Variants in PCDHGB6 observed in about 807,000 individuals in gnomAD.
The protein encoded by PCDHGB6 is protocadherin gamma-B6.
Under a neutral mutation model 59.1 loss-of-function variants are expected in PCDHGB6, and 51 were observed. The observed-to-expected ratio is 0.86, with a 90% CI of 0.69 to 1.09. The LOEUF (loss-of-function observed/expected upper bound fraction) is 1.09, where lower values mean the gene tolerates loss of function less well. Ranked by LOEUF, PCDHGB6 falls within the 50% of genes least tolerant of loss-of-function variation. The pLI is 0.00. For missense variants in PCDHGB6, 1,148 were observed against 1,205.1 expected (o/e 0.95, Z 0.70); for synonymous variants, 466 against 495.1 (o/e 0.94, Z 0.78).
Position 141,491,886 on chromosome 5 carries a change from G to A in PCDHGB6, c.2419-2921G>A. On this transcript the variant is annotated intron_variant, in intron 1 of 3. Coordinates refer to ENST00000520790, the MANE Select transcript of PCDHGB6 (RefSeq NM_018926.3). The surrounding 1 kb of genome is among the most constrained non-coding windows in gnomAD (Gnocchi z 6.9). ...CCAGAGTGGCCGATTAAGGGATGGG[G>A]CTCCGAGCACCGGGGGTGGTGGCGA... 6.9e-7 allele frequency: 1 copy of A among 1,445,558 alleles called. No individual in the cohort carries two copies. Among genetic ancestry groups the A allele is most frequent in the Non-Finnish European group, 9.1e-7 (1 of 1,093,458 alleles). 89.5% of individuals were successfully genotyped at this position (1,445,558 alleles called of 1,614,324 possible). A position where few individuals can be genotyped will look rare whatever the true frequency, so the allele number is the denominator to read the frequency against.
chr5:141,475,980 C>G (rs758066578), intron 1 of PCDHGB6: 3 of 1,028,500 alleles, frequency 2.9e-6, no homozygotes, highest in Admixed American at 2.4e-5. Context: ...ACTGAACAGC[C>G]GGCGAGCAAA....
intron 1 of PCDHGB6, among the ~76,000 whole-genome samples, chr5:141,483,709 G>A (rs1486825412): frequency 1.3e-5 from 2 of 152,036 alleles, no homozygotes; most frequent in Non-Finnish European, 2.9e-5. Flanking sequence ...TTTGACACCA[G>A]AATATTGGTT....
Position 141,490,618 on chromosome 5 carries a change from A to C in PCDHGB6, c.2419-4189A>C. The C allele has an allele frequency of 6.2e-7, 1 of 1,614,104 alleles. No homozygotes were observed. Among genetic ancestry groups the C allele is most frequent in the South Asian group, 1.1e-5 (1 of 91,080 alleles). ...ACCCCGCTTCAACCAGCAGCTTTAC[A>C]CTGCTTACATCCTAGAAAACCGGCC... On this transcript the variant is annotated intron_variant, in intron 1 of 3. Coordinates refer to ENST00000520790, the MANE Select transcript of PCDHGB6 (RefSeq NM_018926.3). This position sits in a 1 kb window ranked among gnomAD's most constrained non-coding sequence, Gnocchi z 5.4.
rs772807357 is a variant in PCDHGB6, at chr5:141,431,758, C to G, written c.2418+21138C>G. On this transcript the variant is annotated intron_variant, in intron 1 of 3. Transcript: ENST00000520790. This position sits in a 1 kb window ranked among gnomAD's most constrained non-coding sequence, Gnocchi z 4.8. ...CAGGATATTCTGCGCGAGCCAAAGTCCTGATCACTGTTCTGGACGTGAACG... is the reference window on the plus strand; with the variant it reads ...CAGGATATTCTGCGCGAGCCAAAGTGCTGATCACTGTTCTGGACGTGAACG... 2.0e-5 allele frequency: 32 copies of G among 1,614,054 alleles called. No individual in the cohort carries two copies. The highest frequency in any genetic ancestry group is 2.6e-5 in the Non-Finnish European group (31 of 1,180,028).
chr5:141,482,530 CA>C (rs3074545), intron 1 of PCDHGB6, among the ~76,000 whole-genome samples: 1,133 of 76,538 alleles, frequency 0.015, 6 homozygotes, highest in Admixed American at 0.025. Flanking sequence ...GACAGACATG[CA>C]AAAAAAAAAA....
At chr5:141,478,755 A>G in intron 1 of PCDHGB6, 1 of 1,519,784 alleles carries the variant, frequency 6.6e-7, no homozygotes, top group South Asian at 1.3e-5. Flanking sequence ...TTCAGGGGGA[A>G]GATACTTGAC....
Position 141,410,469 on chromosome 5 carries a change from T to C in PCDHGB6, c.2267T>C (p.Ile756Thr). Residue 756 changes from isoleucine (I) to threonine (T), a missense_variant, in exon 1 of 4, where the codon ATT becomes ACT. Physicochemically the swap from Ile to Thr is moderately conservative, Grantham distance 89. Coordinates refer to ENST00000520790, the MANE Select transcript of PCDHGB6 (RefSeq NM_018926.3). The stretch of plus-strand genomic sequence containing the variant: ...TTGCCTTATTCTTATAATCTGTGCA[T>C]TGCACATACGGGTACAAAAGAGTTT... ...GTLPYSYNLC[I>T]AHTGTKEFNF... is the part of the protein sequence containing the mutation. The C allele has an allele frequency of 6.2e-7, 1 of 1,614,026 alleles. No individual in the cohort carries two copies. The highest frequency in any genetic ancestry group is 8.5e-7 in the Non-Finnish European group (1 of 1,179,890).
Position 141,476,870 on chromosome 5 carries a change from C to T in PCDHGB6, c.2419-17937C>T, listed in dbSNP as rs2099400432. 3 of 1,613,772 alleles carry T rather than the reference C, an allele frequency of 1.9e-6. No individual in the cohort carries two copies. Among genetic ancestry groups the T allele is most frequent in the South Asian group, 1.1e-5 (1 of 91,094 alleles). On this transcript the variant is annotated intron_variant, in intron 1 of 3. Coordinates refer to ENST00000520790, the MANE Select transcript of PCDHGB6 (RefSeq NM_018926.3). The surrounding 1 kb of genome is among the most constrained non-coding windows in gnomAD (Gnocchi z 7.6). ...CTTCAACCAGTCCTTGTACCGGGCGCGCGTCCTGGAGGATGCACCCTCCGG... is the reference window on the plus strand; with the variant it reads ...CTTCAACCAGTCCTTGTACCGGGCGTGCGTCCTGGAGGATGCACCCTCCGG...
intron 1 of PCDHGB6, among the ~76,000 whole-genome samples, chr5:141,451,329 A>G (rs991467686): frequency 2.6e-5 from 4 of 152,196 alleles, no homozygotes; most frequent in African/African-American, 9.6e-5. Context: ...ACCTAAGGCT[A>G]TTGTCTTATC....
At chr5:141,433,207 TC>T (rs780557883) in intron 1 of PCDHGB6, 10 of 1,568,868 alleles carry the variant, frequency 6.4e-6, no homozygotes, top group African/African-American at 1.4e-5. Flanking sequence ...AAATCTTCTT[TC>T]TTTTTTTTTT....
chr5:141,463,208 C>G (rs895284460), intron 1 of PCDHGB6, among the ~76,000 whole-genome samples: 1 of 152,090 alleles, frequency 6.6e-6, no homozygotes, highest in African/African-American at 2.4e-5. Flanking sequence ...CTTGGGGATC[C>G]ATATTAATAT....
intron 1 of PCDHGB6, chr5:141,421,750 C>G: frequency 6.2e-7 from 1 of 1,613,906 alleles, no homozygotes; most frequent in East Asian, 2.2e-5. Flanking sequence ...CCAGCTCAGC[C>G]CTAATAATTA....
At chr5:141,464,408 T>C (rs2154568477) in intron 1 of PCDHGB6, among the ~76,000 whole-genome samples, 1 of 151,718 alleles carries the variant, frequency 6.6e-6, no homozygotes, top group African/African-American at 2.4e-5. Flanking sequence ...CTGAGATATA[T>C]ATATATCTAT....
intron 1 of PCDHGB6, chr5:141,413,618 A>G (rs1188549125): frequency 6.2e-7 from 1 of 1,613,916 alleles, no homozygotes; most frequent in Non-Finnish European, 8.5e-7. Context: ...AAAATTAATG[A>G]AAATGTCGCT....
chr5:141,459,311 T>A (rs1298312167), intron 1 of PCDHGB6, among the ~76,000 whole-genome samples: 1 of 152,250 alleles, frequency 6.6e-6, no homozygotes, highest in Non-Finnish European at 1.5e-5. Flanking sequence ...TATACTATTT[T>A]GTATCCATCT....
At chr5:141,508,896 C>A (rs1171693212) in intron 3 of PCDHGB6, among the ~76,000 whole-genome samples, 1 of 151,862 alleles carries the variant, frequency 6.6e-6, no homozygotes, top group Non-Finnish European at 1.5e-5. Context: ...GGGGAGGGGG[C>A]GGGGCGGTGG....
Position 141,486,989 on chromosome 5 carries a change from G to A in PCDHGB6, c.2419-7818G>A. 1.9e-6 allele frequency: 3 copies of A among 1,614,168 alleles called. No individual in the cohort carries two copies. Among genetic ancestry groups the A allele is most frequent in the Non-Finnish European group, 2.5e-6 (3 of 1,180,034 alleles). On this transcript the variant is annotated intron_variant, in intron 1 of 3. Transcript: ENST00000520790. This position sits in a 1 kb window ranked among gnomAD's most constrained non-coding sequence, Gnocchi z 5.0. ...CTTGGATTCAGGTTACAATGCTTGG[G>A]TTTCCTATCAGCTCCTGGAGGCCCC...
chr5:141,485,737 C>T lies in PCDHGB6; in HGVS notation c.2419-9070C>T. On this transcript the variant is annotated intron_variant, in intron 1 of 3. Coordinates refer to ENST00000520790, the MANE Select transcript of PCDHGB6 (RefSeq NM_018926.3). The surrounding 1 kb of genome is among the most constrained non-coding windows in gnomAD (Gnocchi z 5.7). ...TGGATGTGAAGAAGCGCAGCGACGGCAGCCTGGTCCCAGAGCTGCTCCTGG... is the reference window on the plus strand; with the variant it reads ...TGGATGTGAAGAAGCGCAGCGACGGTAGCCTGGTCCCAGAGCTGCTCCTGG... 6.2e-7 allele frequency: 1 copy of T among 1,614,222 alleles called. No individual in the cohort carries two copies. Among genetic ancestry groups the T allele is most frequent in the Non-Finnish European group, 8.5e-7 (1 of 1,180,036 alleles).
Position 141,413,313 on chromosome 5 carries a change from C to T in PCDHGB6, c.2418+2693C>T, listed in dbSNP as rs1346034749. The T allele has an allele frequency of 1.9e-6, 3 of 1,613,842 alleles. No homozygotes were observed. The African/African-American group carries it at 4.0e-5, about 22-fold the overall frequency. On this transcript the variant is annotated intron_variant, in intron 1 of 3. Transcript: ENST00000520790. The stretch of plus-strand genomic sequence containing the variant: ...CAATTCCTGAGGAATTAGAGAAAGG[C>T]TCTTTCGTGGGCAACATCTCCAAGG...
Sources: gnomAD v4.1 joint callset for allele counts (sites outside exome capture counted in the v4.1 genomes callset) on GRCh38, gnomAD v4.1.1 for gene constraint, Gnocchi (gnomAD v3.1) non-coding constraint, MANE v1.5 for transcripts, NCBI Gene and HGNC (gene_info 2026-07-23, HGNC 2026-07-21) for gene names.